PXMP4: variants seen among roughly 807,000 people sequenced by gnomAD.
PXMP4 encodes 24 kDa peroxisomal intrinsic membrane protein.
Under a neutral mutation model 21.6 loss-of-function variants are expected in PXMP4, and 16 were observed. The ratio of observed to expected loss-of-function variants is 0.74; its 90% CI spans 0.50 to 1.13. PXMP4 has a LOEUF of 1.13. Ranked by LOEUF, PXMP4 falls within the 50% of genes most tolerant of loss-of-function variation. The probability of loss-of-function intolerance (pLI) is 0.00; values close to 1 mark genes in which losing one functional copy is unlikely to be tolerated. For synonymous variants in PXMP4, 127 were observed against 123.8 expected, an observed-to-expected ratio of 1.03 and a Z score of -0.17; for missense variants, 240 against 277.7, an observed-to-expected ratio of 0.86 and a Z score of 0.96.
At chr20:33,717,532 T>C (rs374841758) in intron 1 of PXMP4, among the ~76,000 whole-genome samples, 5 of 144,396 alleles carry the variant, frequency 3.5e-5, no homozygotes, top group Middle Eastern at 3.8e-3. Context: ...CCCAGCTACT[T>C]GGGAGGCTGA....
rs779819950 is a variant in PXMP4 at position 33,720,237 on chromosome 20, G to A, written c.-30C>T. 12 of 1,580,006 alleles carry A rather than the reference G, an allele frequency of 7.6e-6. No individual in the cohort carries two copies. In the African/African-American group the frequency reaches 1.5e-4, roughly 20 times the overall value. ...CGGGCTGCGCGCAGGGTCGGGGTTA[G>A]GAACTGTAAGCGCACTGACAGCCGG... On this transcript the variant is annotated 5_prime_UTR_variant, in exon 1 of 4. Coordinates refer to ENST00000409299, the MANE Select transcript of PXMP4 (RefSeq NM_007238.5).
In PXMP4 at chr20:33,714,667, TG is replaced by T. The variant is rs745354674; in HGVS notation, c.176+6del. 6.2e-7 allele frequency: 1 copy of T among 1,613,578 alleles called. No homozygotes were observed. Among genetic ancestry groups the T allele is most frequent in the Non-Finnish European group, 8.5e-7 (1 of 1,179,518 alleles). ...CCACATTCTCTCCCAGTTTGAGGGA[TG>T]TGTACCTGCCATTCCGGAAGAGAAA... On this transcript the variant is annotated splice_donor_region_variant and intron_variant, in intron 2 of 3. Transcript: ENST00000409299.
Position 33,720,223 on chromosome 20 carries a change from C to T in PXMP4, c.-16G>A, listed in dbSNP as rs201783013. 1.6e-4 allele frequency: 249 copies of T among 1,601,196 alleles called. No individual in the cohort carries two copies. The African/African-American group carries it at 1.9e-3, about 12-fold the overall frequency. ...GGGCTGCCATAGTGCGGGCTGCGCGCAGGGTCGGGGTTAGGAACTGTAAGC... is the reference window on the plus strand; with the variant it reads ...GGGCTGCCATAGTGCGGGCTGCGCGTAGGGTCGGGGTTAGGAACTGTAAGC... On this transcript the variant is annotated 5_prime_UTR_variant, in exon 1 of 4. Transcript: ENST00000409299.
intron 3 of PXMP4, among the ~76,000 whole-genome samples, chr20:33,708,840 G>A (rs1246077013): frequency 7.2e-5 from 11 of 151,944 alleles, no homozygotes; most frequent in Non-Finnish European, 1.2e-4. Context: ...ACAGGTGTGC[G>A]CCACCATGCC....
Position 33,720,213 on chromosome 20 carries a change from G to T in PXMP4, c.-6C>A, listed in dbSNP as rs765611997. 6.2e-7 allele frequency: 1 copy of T among 1,606,874 alleles called. No homozygotes were observed. Among genetic ancestry groups the T allele is most frequent in the Non-Finnish European group, 8.5e-7 (1 of 1,176,788 alleles). ...AGCTGCGGCGGGGCTGCCATAGTGC[G>T]GGCTGCGCGCAGGGTCGGGGTTAGG... is the stretch of plus-strand genomic sequence containing the variant. On this transcript the variant is annotated 5_prime_UTR_variant, in exon 1 of 4. Transcript: ENST00000409299.
chr20:33,718,312 C>T (rs773769848), intron 1 of PXMP4, among the ~76,000 whole-genome samples: 1 of 151,962 alleles, frequency 6.6e-6, no homozygotes, highest in South Asian at 2.1e-4. Flanking sequence ...AGATCGAGCC[C>T]ATCCTGGCTA....
chr20:33,716,284 T>A (rs2018383028), intron 1 of PXMP4, among the ~76,000 whole-genome samples: 1 of 152,180 alleles, frequency 6.6e-6, no homozygotes, highest in Non-Finnish European at 1.5e-5. Context: ...TGGCCCCTGC[T>A]CACTGCTCCT....
rs780074952 is a variant in PXMP4, at chr20:33,720,198, G to T, written c.10C>A (p.Pro4Thr). 6.2e-7 allele frequency: 1 copy of T among 1,611,022 alleles called. No individual in the cohort carries two copies. Among genetic ancestry groups the T allele is most frequent in the East Asian group, 2.2e-5 (1 of 44,698 alleles). MAA[P>T]PQLRALLVVV... ...ACGAGCAGAGCCCTTAGCTGCGGCG[G>T]GGCTGCCATAGTGCGGGCTGCGCGC... The change falls in exon 1 of 4, where the codon CCG becomes ACG. Residue 4 changes from proline to threonine, a missense_variant. Transcript: ENST00000409299.
chr20:33,717,975 A>T (rs17404047), intron 1 of PXMP4, among the ~76,000 whole-genome samples: 37,089 of 151,980 alleles, frequency 0.24, 4,729 homozygotes, highest in Admixed American at 0.32. Context: ...CACATATAAA[A>T]GTTCCTAGGT....
rs1555866644 is a variant in PXMP4 at position 33,717,658 on chromosome 20, A to AAAT, written c.113+2436_113+2437insATT. ...CCGTCTCAAAAAAAAAAAAAAAAAA[A>AAAT]TTATTAAATATTTTAAATGTTACAT... is the stretch of plus-strand genomic sequence containing the variant. On this transcript the variant is annotated intron_variant, in intron 1 of 3. Coordinates refer to ENST00000409299, the MANE Select transcript of PXMP4 (RefSeq NM_007238.5). Among the ~76,000 whole-genome samples, 23 of 137,558 alleles carry AAAT rather than the reference A, an allele frequency of 1.7e-4. 4 individuals carry two copies. The highest frequency in any genetic ancestry group is 3.5e-4 in the African/African-American group (12 of 34,342). The allele number at this position is 137,558 out of a possible 152,430, so 90.2% of individuals were successfully genotyped here.
rs2018272851 is a variant in PXMP4 at position 33,707,696 on chromosome 20, C to A, written c.*10G>T. On this transcript the variant is annotated 3_prime_UTR_variant, in exon 4 of 4. Coordinates refer to ENST00000409299, the MANE Select transcript of PXMP4 (RefSeq NM_007238.5). ...AATCTTGAGCCACAGCCAGACACCT[C>A]AGGGCTGCATTAATTGGAGGGACGG... The A allele has an allele frequency of 1.2e-6, 2 of 1,612,606 alleles. No individual in the cohort carries two copies. Among genetic ancestry groups the A allele is most frequent in the Non-Finnish European group, 1.7e-6 (2 of 1,179,272 alleles).
Position 33,720,097 on chromosome 20 carries a change from A to G in PXMP4, c.111T>C (p.Ala37=). The G allele has an allele frequency of 6.2e-7, 1 of 1,613,452 alleles. No individual in the cohort carries two copies. Among genetic ancestry groups the G allele is most frequent in the Non-Finnish European group, 8.5e-7 (1 of 1,179,712 alleles). The change falls in exon 1 of 4, where the codon GCT becomes GCC. Residue 37 remains alanine, a splice_region_variant and synonymous_variant. Transcript: ENST00000409299. Reference sequence around the variant, plus strand: ...CCCGGCCCGACGGCCCCACTCACACAGCCCCGTTCCGGAAGCCCTTAAGCA... The same window carrying G: ...CCCGGCCCGACGGCCCCACTCACACGGCCCCGTTCCGGAAGCCCTTAAGCA... ...LAVLKGFRNG[A]VYGAKIRAPH...
intron 1 of PXMP4, 117 bp from the exon 2 acceptor site, chr20:33,714,853 A>G: frequency 1.0e-6 from 1 of 983,158 alleles, no homozygotes; most frequent in Non-Finnish European, 1.6e-6. Context: ...CCACTTTGGG[A>G]GGGGAAATCA....
chr20:33,712,042 C>A (rs1053934592), intron 2 of PXMP4, among the ~76,000 whole-genome samples: 2 of 151,750 alleles, frequency 1.3e-5, no homozygotes, highest in Non-Finnish European at 2.9e-5. Context: ...GGAGCAGAGT[C>A]TACTCCTCCC....
At chr20:33,718,502 C>T (rs2122594950) in intron 1 of PXMP4, among the ~76,000 whole-genome samples, 2 of 107,012 alleles carry the variant, frequency 1.9e-5, no homozygotes, top group South Asian at 3.3e-4. Flanking sequence ...CAGAGCGACA[C>T]TCCATCTCAA....
chr20:33,710,815 G>A (rs2018318824), intron 2 of PXMP4, 62 bp from the exon 3 acceptor site: 1 of 1,464,678 alleles, frequency 6.8e-7, no homozygotes, highest in Non-Finnish European at 9.1e-7. Flanking sequence ...GGGCTTTTAC[G>A]CACTGGGCAT....
In PXMP4 at chr20:33,702,956, G is replaced by A. The variant is rs905174852; in HGVS notation, c.*4750C>T. The A allele has an allele frequency of 1.3e-5, 2 of 152,168 alleles. No individual in the cohort carries two copies. Among genetic ancestry groups the A allele is most frequent in the African/African-American group, 2.4e-5 (1 of 41,442 alleles). The allele number at this position is 152,168 out of a possible 1,614,324, so 9.4% of individuals were successfully genotyped here. A position where few individuals can be genotyped will look rare whatever the true frequency, so the allele number is the denominator to read the frequency against. ...GAGAATGGAGGGCAGCTAGGAAGGAGCCAAATGGGACTCCTCTCAGATCTG... is the reference window on the plus strand; with the variant it reads ...GAGAATGGAGGGCAGCTAGGAAGGAACCAAATGGGACTCCTCTCAGATCTG... On this transcript the variant is annotated 3_prime_UTR_variant, in exon 4 of 4. Transcript: ENST00000409299.
In PXMP4 at chr20:33,720,177, G is replaced by A; in HGVS notation, c.31C>T (p.Leu11Phe). The change falls in exon 1 of 4, where the codon CTC (leucine) becomes TTC (phenylalanine). Residue 11 changes from leucine (L) to phenylalanine (F), a missense_variant. Transcript: ENST00000409299. Reference sequence around the variant, plus strand: ...CGCAGCAGTGCGTTGACGACTACGAGCAGAGCCCTTAGCTGCGGCGGGGCT... The same window carrying A: ...CGCAGCAGTGCGTTGACGACTACGAACAGAGCCCTTAGCTGCGGCGGGGCT... MAAPPQLRAL[L>F]VVVNALLRKR... 3 of 1,613,284 alleles carry A rather than the reference G, an allele frequency of 1.9e-6. No individual in the cohort carries two copies. Among genetic ancestry groups the A allele is most frequent in the South Asian group, 2.2e-5 (2 of 91,070 alleles).
intron 1 of PXMP4, among the ~76,000 whole-genome samples, chr20:33,716,688 T>C (rs1347707886): frequency 1.3e-5 from 2 of 152,196 alleles, no homozygotes; most frequent in African/African-American, 4.8e-5. Flanking sequence ...CCCCACATGG[T>C]ACCTGACATA....
Sources: gnomAD v4.1 joint callset for allele counts (sites outside exome capture counted in the v4.1 genomes callset) on GRCh38, gnomAD v4.1.1 for gene constraint, MANE v1.5 for transcripts, NCBI Gene and HGNC (gene_info 2026-07-23, HGNC 2026-07-21) for gene names.